Variants in PRICKLE4 observed in about 807,000 individuals in gnomAD.
The protein encoded by PRICKLE4 is prickle-like protein 4.
Under a neutral mutation model 43.5 loss-of-function variants are expected in PRICKLE4, and 40 were observed. The observed-to-expected ratio is 0.92, with a 90% CI of 0.71 to 1.20. PRICKLE4 has a LOEUF of 1.20. PRICKLE4 is among the 50% of genes most tolerant of loss of function. The pLI is 0.00. For missense variants in PRICKLE4, 527 were observed against 491.2 expected, an observed-to-expected ratio of 1.07 and a Z score of -0.69; for synonymous variants, 208 against 197.4, an observed-to-expected ratio of 1.05 and a Z score of -0.45.
In PRICKLE4 at chr6:41,786,264, G is replaced by T; in HGVS notation, c.719G>T (p.Cys240Phe). ...LPGGSPCCPS[C>F]FENRYSDAGS... ...GGGGGAAGCCCCTGCTGCCCCAGCT[G>T]CTTCGAGAACCGCTACTCGGATGCA... is the stretch of plus-strand genomic sequence containing the variant. Residue 240 changes from cysteine to phenylalanine, a missense_variant, in exon 7 of 8, where the codon TGC (cysteine) becomes TTC (phenylalanine). By Grantham distance (205) the Cys-to-Phe change is radical. Transcript: ENST00000458694. 1 of 1,599,990 alleles carries T rather than the reference G, an allele frequency of 6.3e-7. No individual in the cohort carries two copies. The highest frequency in any genetic ancestry group is 1.3e-5 in the African/African-American group (1 of 74,752).
intron 1 of PRICKLE4, chr6:41,781,113 G>C (rs1487607168): frequency 5.9e-5 from 9 of 153,668 alleles, no homozygotes; most frequent in African/African-American, 1.9e-4. Flanking sequence ...TCCAGCTCCT[G>C]AGCCCTCTTG....
Position 41,787,225 on chromosome 6 carries a change from GCAGT to G in PRICKLE4, c.*100_*103del. 1 of 1,447,666 alleles carries G rather than the reference GCAGT, an allele frequency of 6.9e-7. No individual in the cohort carries two copies. Among genetic ancestry groups the G allele is most frequent in the African/African-American group, 1.4e-5 (1 of 70,154 alleles). 89.7% of individuals were successfully genotyped at this position (1,447,666 alleles called of 1,614,324 possible). A position where few individuals can be genotyped will look rare whatever the true frequency, so the allele number is the denominator to read the frequency against. ...CCCCCTAACAATCCTAGACTGAGAC[GCAGT>G]CAGGCGCACGCCCGCAAGAGGCGGC... On this transcript the variant is annotated 3_prime_UTR_variant, in exon 8 of 8. Transcript: ENST00000458694.
In PRICKLE4 at chr6:41,787,126, C is replaced by T. The variant is rs375533534; in HGVS notation, c.1152C>T (p.Cys384=). 2.5e-5 allele frequency: 40 copies of T among 1,600,162 alleles called. No homozygotes were observed. The highest frequency in any genetic ancestry group is 3.4e-5 in the Non-Finnish European group (40 of 1,176,448). The change falls in exon 8 of 8, where the codon TGC becomes TGT. Residue 384 remains cysteine, a synonymous_variant. Coordinates refer to ENST00000458694, the MANE Select transcript of PRICKLE4 (RefSeq NM_013397.6). ...SNASKTHCTM[C] ...CCTCTAAGACGCACTGCACCATGTG[C>T]TAGTGGCGCAGCTCAGAGAGGGGAT...
intron 2 of PRICKLE4, among the ~76,000 whole-genome samples, chr6:41,782,458 T>C (rs9471652): frequency 0.51 from 75,008 of 145,832 alleles, 19,449 homozygotes; most frequent in Admixed American, 0.61. Context: ...GGCGCGATCT[T>C]GGCTCACTGC....
In PRICKLE4 at chr6:41,783,584, C is replaced by T; in HGVS notation, c.111C>T (p.Asp37=). Residue 37 remains aspartate (D), a synonymous_variant, in exon 3 of 8, where the codon GAC becomes GAT. Transcript: ENST00000458694. The stretch of plus-strand genomic sequence containing the variant: ...ACTCAGGCCACCTGCCGGGGGAGGA[C>T]CCTGAGGATACCCATGCTCAGGTAG... The part of the protein sequence containing the change: ...DSDSGHLPGE[D]PEDTHAQGPA... The T allele has an allele frequency of 6.2e-7, 1 of 1,613,634 alleles. No homozygotes were observed. The highest frequency in any genetic ancestry group is 8.5e-7 in the Non-Finnish European group (1 of 1,179,812).
At position 41,786,938 on chromosome 6, in the gene PRICKLE4, G is replaced by A. The variant is rs79644072; in HGVS notation, c.964G>A (p.Gly322Arg). ...RPGDKAEAPKGQEQCRLETIR... is the reference protein window; with the variant it reads ...RPGDKAEAPKRQEQCRLETIR... ...TGGGGACAAAGCGGAGGCACCCAAA[G>A]GGCAGGAGCAATGCCGCCTGGAGAC... The change falls in exon 8 of 8, where the codon GGG (glycine) becomes AGG (arginine). Residue 322 changes from glycine (G) to arginine (R), a missense_variant. Transcript: ENST00000458694. The A allele has an allele frequency of 1.4e-5, 23 of 1,614,048 alleles. No individual in the cohort carries two copies. The highest frequency in any genetic ancestry group is 1.9e-5 in the Non-Finnish European group (22 of 1,179,962).
At position 41,785,364 on chromosome 6, in the gene PRICKLE4, T is replaced by C; in HGVS notation, c.406T>C (p.Tyr136His). ...KCRELLKPGE[Y>H]GVFAARAGEQ... ...TAGGGAGCTGCTGAAGCCAGGGGAG[T>C]ACGGAGTGTTTGCAGCCCGGGCAGG... is the stretch of plus-strand genomic sequence containing the variant. Residue 136 changes from tyrosine (Y) to histidine (H), a missense_variant, in exon 6 of 8, where the codon TAC becomes CAC. By Grantham distance (83) the Tyr-to-His change is moderately conservative (BLOSUM62 2). Transcript: ENST00000458694. 1 of 1,613,862 alleles carries C rather than the reference T, an allele frequency of 6.2e-7. No individual in the cohort carries two copies. Among genetic ancestry groups the C allele is most frequent in the Non-Finnish European group, 8.5e-7 (1 of 1,179,960 alleles).
intron 2 of PRICKLE4, 130 bp from the exon 3 acceptor site, chr6:41,783,332 G>A: frequency 1.1e-6 from 1 of 950,466 alleles, no homozygotes; most frequent in Non-Finnish European, 1.5e-6. Context: ...TCTGTAAGAT[G>A]GGGATAATGC....
chr6:41,786,437 C>A, intron 7 of PRICKLE4, 105 bp downstream of exon 7: 1 of 1,309,404 alleles, frequency 7.6e-7, no homozygotes, highest in Non-Finnish European at 1.1e-6. Context: ...CCCGTCCCTC[C>A]AGGAGCGCCC....
chr6:41,780,892 C>T (rs1193436211), intron 1 of PRICKLE4, 66 bp downstream of exon 1: 2 of 159,342 alleles, frequency 1.3e-5, no homozygotes, highest in Non-Finnish European at 2.8e-5. Context: ...GGAACCCCAG[C>T]GGACTCGGGA....
At chr6:41,785,589 G>A in intron 6 of PRICKLE4, 49 bp downstream of exon 6, 2 of 1,563,704 alleles carry the variant, frequency 1.3e-6, no homozygotes, top group South Asian at 2.2e-5. Flanking sequence ...GTCCAGAGTG[G>A]CAGGATACAA....
intron 3 of PRICKLE4, chr6:41,783,822 G>A (rs1182784571): frequency 1.3e-6 from 1 of 791,092 alleles, no homozygotes; most frequent in Admixed American, 2.0e-5. Flanking sequence ...TAGGGGGTCT[G>A]TATTGTCAAA....
intron 5 of PRICKLE4, 104 bp from the exon 6 acceptor site, chr6:41,785,233 G>A (rs1383332473): frequency 1.3e-6 from 2 of 1,505,498 alleles, no homozygotes; most frequent in African/African-American, 2.8e-5. Context: ...ATGTGGGCTT[G>A]CTAGGGTATG....
In PRICKLE4 at chr6:41,783,490, C is replaced by G; in HGVS notation, c.17C>G (p.Ser6Cys). 11 of 1,532,854 alleles carry G rather than the reference C, an allele frequency of 7.2e-6. No homozygotes were observed. Among genetic ancestry groups the G allele is most frequent in the Non-Finnish European group, 9.0e-6 (10 of 1,112,822 alleles). The allele number at this position is 1,532,854 out of a possible 1,614,324, so 95.0% of individuals were successfully genotyped here. A position where few individuals can be genotyped will look rare whatever the true frequency, so the allele number is the denominator to read the frequency against. Residue 6 changes from serine to cysteine, a missense_variant, in exon 3 of 8, where the codon TCT (serine) becomes TGT (cysteine). Transcript: ENST00000458694. The stretch of plus-strand genomic sequence containing the variant: ...TTGCCACAAATGTCAGTGCAGAACT[C>G]TGGCTGGCCCCACCAAGAAGACAGC... The part of the protein sequence containing the change: MSVQN[S>C]GWPHQEDSPK...
rs367571862 is a variant in PRICKLE4, at chr6:41,783,128, G to C, written c.-12-334G>C. On this transcript the variant is annotated intron_variant, in intron 2 of 7. Transcript: ENST00000458694. ...TGAGGTAAGGAGAGAGTGTCCAAAG[G>C]CCCACCAGAAAGGCAAAGTGCCCTC... Among the ~76,000 whole-genome samples, 65 of 152,232 alleles carry C rather than the reference G, an allele frequency of 4.3e-4. No individual in the cohort carries two copies. The South Asian group carries it at 0.013, about 32-fold the overall frequency.
chr6:41,786,506 C>T, intron 7 of PRICKLE4, 174 bp downstream of exon 7: 1 of 1,039,876 alleles, frequency 9.6e-7, no homozygotes. Flanking sequence ...GCATCCCTGG[C>T]CGGAGCGTTC....
chr6:41,784,999 G>A lies in PRICKLE4; in HGVS notation c.305G>A (p.Arg102Gln), dbSNP rs143845854. The A allele has an allele frequency of 2.2e-4, 352 of 1,613,700 alleles. 1 individual carries two copies. The South Asian group carries it at 2.4e-3, about 11-fold the overall frequency. The change falls in exon 5 of 8, where the codon CGG (arginine) becomes CAG (glutamine). Residue 102 changes from arginine to glutamine, a missense_variant. Physicochemically the swap from Arg to Gln is conservative, Grantham distance 43. Coordinates refer to ENST00000458694, the MANE Select transcript of PRICKLE4 (RefSeq NM_013397.6). ...GAGCTGCAGCTCTTCTGTGCCAGGC[G>A]GAAGCAGGAAGCCCTGGGACAGGGG... ...RAELQLFCAR[R>Q]KQEALGQGVA...
intron 7 of PRICKLE4, 155 bp from the exon 8 acceptor site, chr6:41,786,607 G>C: frequency 7.7e-7 from 1 of 1,305,552 alleles, no homozygotes; most frequent in Non-Finnish European, 1.0e-6. Context: ...CTCTGGTGGA[G>C]GCGGGGGACC....
At position 41,784,124 on chromosome 6, in the gene PRICKLE4, T is replaced by G. The variant is rs1185636444; in HGVS notation, c.133-7T>G. ...TTCACTCCTCCCCTTCTTCCATGTC[T>G]CCTCAGGGTCCTGCAGTTCTGAGCT... is the stretch of plus-strand genomic sequence containing the variant. On this transcript the variant is annotated splice_region_variant and splice_polypyrimidine_tract_variant and intron_variant, in intron 3 of 7. Transcript: ENST00000458694. 1.3e-6 allele frequency: 2 copies of G among 1,597,446 alleles called. No homozygotes were observed. Among genetic ancestry groups the G allele is most frequent in the Non-Finnish European group, 1.7e-6 (2 of 1,171,670 alleles).
Sources: allele counts gnomAD v4.1 joint callset (sites outside exome capture counted in the v4.1 genomes callset), GRCh38; gene constraint gnomAD v4.1.1; transcripts MANE v1.5; gene names NCBI Gene and HGNC (gene_info 2026-07-23, HGNC 2026-07-21).